ZNF438: variants seen among roughly 807,000 people sequenced by gnomAD.
ZNF438 encodes the protein zinc finger protein 438.
Under a neutral mutation model 38.0 loss-of-function variants are expected in ZNF438, and 25 were observed. The observed-to-expected ratio is 0.66, with a 90% CI of 0.48 to 0.92. The LOEUF (loss-of-function observed/expected upper bound fraction) is 0.92. Ranked by LOEUF, ZNF438 falls within the 40% of genes least tolerant of loss-of-function variation. The pLI, the probability that ZNF438 is intolerant of heterozygous loss-of-function variation, is 0.00. For missense variants in ZNF438, 1,007 were observed against 999.6 expected (o/e 1.01, Z -0.10); for synonymous variants, 372 against 364.1 (o/e 1.02, Z -0.25).
chr10:30,987,773 A>C (rs1281533223), intron 1 of ZNF438, among the ~76,000 whole-genome samples: 1 of 152,086 alleles, frequency 6.6e-6, no homozygotes, highest in Admixed American at 6.5e-5. Flanking sequence ...GCAAACCAAG[A>C]AGCAGGCCCT....
chr10:30,980,010 C>T (rs1250512308), intron 1 of ZNF438, among the ~76,000 whole-genome samples: 1 of 152,166 alleles, frequency 6.6e-6, no homozygotes, highest in African/African-American at 2.4e-5. Flanking sequence ...CTAGGCTAAA[C>T]TGGTTGGAGT....
At position 30,876,783 on chromosome 10, in the gene ZNF438, C is replaced by T. The variant is rs140470187; in HGVS notation, c.37+215G>A. 6.6e-5 allele frequency among the ~76,000 whole-genome samples: 10 copies of T among 152,174 alleles called. No individual in the cohort carries two copies. In the East Asian group the frequency reaches 1.3e-3, roughly 21 times the overall value. On this transcript the variant is annotated intron_variant, in intron 4 of 5. Transcript: ENST00000413025. The stretch of plus-strand genomic sequence containing the variant: ...GAATGAGATGGCTGGGCTCTCAAGG[C>T]GCTATAGCCTATAAAGGAGACAGGT...
At chr10:31,021,978 T>G (rs560266300) in intron 1 of ZNF438, among the ~76,000 whole-genome samples, 5 of 152,316 alleles carry the variant, frequency 3.3e-5, no homozygotes, top group Admixed American at 2.6e-4. Context: ...AATTGGAAAG[T>G]TGAAAAAGCT....
At chr10:30,944,847 A>T (rs1041960125) in intron 1 of ZNF438, among the ~76,000 whole-genome samples, 1 of 152,190 alleles carries the variant, frequency 6.6e-6, no homozygotes, top group African/African-American at 2.4e-5. Context: ...TATTGACACA[A>T]AATTGTTCAT....
chr10:30,936,096 G>C (rs1012580998), intron 2 of ZNF438, among the ~76,000 whole-genome samples: 2 of 152,118 alleles, frequency 1.3e-5, no homozygotes, highest in African/African-American at 4.8e-5. Flanking sequence ...CTAAGACCAG[G>C]ATGATGAGAC....
rs115370106 is a variant in ZNF438, at chr10:30,914,702, A to C, written c.-114-5687T>G. 9.9e-3 allele frequency among the ~76,000 whole-genome samples: 1,509 copies of C among 152,158 alleles called. 25 individuals carry two copies. The highest frequency in any genetic ancestry group is 0.034 in the African/African-American group (1,403 of 41,496). On this transcript the variant is annotated intron_variant, in intron 2 of 5. Coordinates refer to ENST00000413025, the Ensembl canonical transcript of ZNF438. ...ATATATACTCGACTACAGAATTCCA[A>C]TTTTTTAAAAGGAGGCTTCCTCCAG...
intron 4 of ZNF438, among the ~76,000 whole-genome samples, chr10:30,871,879 C>T (rs1330704363): frequency 2.0e-5 from 3 of 152,122 alleles, no homozygotes; most frequent in East Asian, 1.9e-4. Flanking sequence ...CAGAGGGGGC[C>T]GCCTGTGTGT....
chr10:30,990,843 A>G (rs1338056734), intron 1 of ZNF438, among the ~76,000 whole-genome samples: 1 of 151,922 alleles, frequency 6.6e-6, no homozygotes, highest in Admixed American at 6.5e-5. Flanking sequence ...GTATAGATTA[A>G]GAGAGATTGA....
At chr10:31,000,881 G>C (rs1326737268) in intron 1 of ZNF438, among the ~76,000 whole-genome samples, 1 of 151,598 alleles carries the variant, frequency 6.6e-6, no homozygotes, top group African/African-American at 2.4e-5. Flanking sequence ...AAATCTTTTA[G>C]TGGCTTCTGA....
At chr10:30,947,498 C>A (rs1328345256) in intron 1 of ZNF438, among the ~76,000 whole-genome samples, 2 of 152,258 alleles carry the variant, frequency 1.3e-5, no homozygotes, top group Non-Finnish European at 2.9e-5. Context: ...GCCCTGCCCC[C>A]AGAGGTGGAG....
Position 30,908,932 on chromosome 10 carries a change from C to A in ZNF438, c.-32+1G>T, listed in dbSNP as rs2042828342. 6.6e-6 allele frequency: 1 copy of A among 152,044 alleles called. No homozygotes were observed. Among genetic ancestry groups the A allele is most frequent in the South Asian group, 2.1e-4 (1 of 4,828 alleles). The allele number at this position is 152,044 out of a possible 1,614,324, so 9.4% of individuals were successfully genotyped here. The stretch of plus-strand genomic sequence containing the variant: ...TATGCAAAAATTATTTAACAAAATA[C>A]CTTTTACTGTTCTTGCATGAAGTTT... On this transcript the variant is annotated splice_donor_variant, in intron 3 of 5. Transcript: ENST00000413025. LOFTEE classifies it low-confidence loss of function (5UTR_SPLICE).
intron 1 of ZNF438, among the ~76,000 whole-genome samples, chr10:30,955,794 T>A (rs186123561): frequency 9.1e-4 from 138 of 152,334 alleles, no homozygotes; most frequent in Middle Eastern, 6.8e-3. Flanking sequence ...TAACATATTA[T>A]TACAACGTTG....
At chr10:30,904,296 T>C (rs2042355620) in intron 3 of ZNF438, among the ~76,000 whole-genome samples, 7 of 152,230 alleles carry the variant, frequency 4.6e-5, no homozygotes, top group Admixed American at 4.6e-4. Context: ...CTCCAACTCA[T>C]TCACTTTCCA....
chr10:30,857,693 C>CT (rs1354394644), intron 4 of ZNF438: 1 of 1,504,454 alleles, frequency 6.6e-7, no homozygotes, highest in Admixed American at 2.0e-5. Context: ...CCATAGGACT[C>CT]TGAGAAATCC....
At chr10:30,930,191 G>A (rs1168348593) in intron 2 of ZNF438, among the ~76,000 whole-genome samples, 1 of 152,076 alleles carries the variant, frequency 6.6e-6, no homozygotes, top group South Asian at 2.1e-4. Flanking sequence ...GCTCAGGCAT[G>A]GTGGGTTGCA....
intron 1 of ZNF438, among the ~76,000 whole-genome samples, chr10:30,984,703 AT>A (rs1423695683): frequency 6.6e-6 from 1 of 152,254 alleles, no homozygotes; most frequent in African/African-American, 2.4e-5. Flanking sequence ...GCTAAGAAGA[AT>A]GCTTCACATT....
intron 1 of ZNF438, among the ~76,000 whole-genome samples, chr10:30,998,485 G>A (rs1157420111): frequency 1.4e-5 from 2 of 139,294 alleles, no homozygotes; most frequent in Non-Finnish European, 3.1e-5. Context: ...GGAGCTTGCA[G>A]TGAGCCGAGA....
chr10:30,986,675 C>T (rs944478954), intron 1 of ZNF438, among the ~76,000 whole-genome samples: 1 of 152,144 alleles, frequency 6.6e-6, no homozygotes, highest in Admixed American at 6.5e-5. Flanking sequence ...GCATTATATA[C>T]TTATTGAGTA....
At chr10:30,855,292 T>C (rs923902) in intron 4 of ZNF438, among the ~76,000 whole-genome samples, 99,471 of 152,022 alleles carry the variant, frequency 0.65, 33,999 homozygotes, top group African/African-American at 0.86. Context: ...CCCAGACGAC[T>C]GGTATGATGT....
Sources: gnomAD v4.1 joint callset for allele counts (sites outside exome capture counted in the v4.1 genomes callset) on GRCh38, gnomAD v4.1.1 for gene constraint, MANE v1.5 for transcripts, NCBI Gene and HGNC (gene_info 2026-07-23, HGNC 2026-07-21) for gene names.